The following ARMH3 variants were observed in gnomAD, a reference collection of about 807,000 sequenced individuals.
The protein encoded by ARMH3 is armadillo-like helical domain-containing protein 3.
A neutral mutation model predicts 99.1 loss-of-function variants in ARMH3; 60 were observed. That is an observed-to-expected ratio of 0.61 (90% confidence interval 0.49 to 0.75). ARMH3 has a LOEUF of 0.75. Ranked by LOEUF, ARMH3 falls within the 30% of genes least tolerant of loss-of-function variation. The probability of loss-of-function intolerance (pLI) is 0.00; values close to 1 mark genes in which losing one functional copy is unlikely to be tolerated. For synonymous variants in ARMH3, 285 were observed against 292.8 expected (o/e 0.97, Z 0.27); for missense variants, 679 against 843.1 (o/e 0.81, Z 2.41).
At chr10:101,936,156 G>C (rs1463519820) in intron 23 of ARMH3, among the ~76,000 whole-genome samples, 1 of 152,148 alleles carries the variant, frequency 6.6e-6, no homozygotes, top group Non-Finnish European at 1.5e-5. Flanking sequence ...ACCAAGGAAA[G>C]CAAAACACCT....
At chr10:101,924,220 T>C (rs1843413981) in intron 23 of ARMH3, among the ~76,000 whole-genome samples, 1 of 152,160 alleles carries the variant, frequency 6.6e-6, no homozygotes, top group Non-Finnish European at 1.5e-5. Flanking sequence ...AAATAAAGTG[T>C]TGCATATAGG....
intron 22 of ARMH3, among the ~76,000 whole-genome samples, chr10:101,944,092 A>G (rs998794128): frequency 3.3e-5 from 5 of 150,134 alleles, no homozygotes; most frequent in African/African-American, 1.2e-4. Context: ...TATTAGAAAT[A>G]CGTTCGATAT....
chr10:102,010,178 C>G (rs2066600386), intron 11 of ARMH3, among the ~76,000 whole-genome samples, 155 bp from the exon 12 acceptor site: 1 of 152,166 alleles, frequency 6.6e-6, no homozygotes, highest in African/African-American at 2.4e-5. Context: ...AAAACCAGCC[C>G]ACTTTGAAAA....
chr10:101,945,909 C>A (rs909503960), intron 22 of ARMH3, among the ~76,000 whole-genome samples: 1 of 150,720 alleles, frequency 6.6e-6, no homozygotes, highest in Non-Finnish European at 1.5e-5. Flanking sequence ...ATGACAAAAC[C>A]CCATCTCTAC....
intron 2 of ARMH3, among the ~76,000 whole-genome samples, chr10:102,038,520 T>G (rs917202451): frequency 6.6e-6 from 1 of 152,152 alleles, no homozygotes; most frequent in Non-Finnish European, 1.5e-5. Context: ...GGTATTTTAG[T>G]GGACTGAATT....
Position 101,847,543 on chromosome 10 carries a change from G to A in ARMH3, c.2055C>T (p.Phe685=). The change falls in exon 26 of 26, where the codon TTC becomes TTT. Residue 685 remains phenylalanine, a synonymous_variant. Transcript: ENST00000370033. ...AGGCGTGGCCTCAGGAGATAGTGGA[G>A]AACTCCTTGAGCAGGACTTCTTGGC... is the stretch of plus-strand genomic sequence containing the variant. ...TLSQEVLLKE[F]STIS is the part of the protein sequence containing the mutation. 6.2e-7 allele frequency: 1 copy of A among 1,614,176 alleles called. No homozygotes were observed. Among genetic ancestry groups the A allele is most frequent in the Non-Finnish European group, 8.5e-7 (1 of 1,180,000 alleles).
chr10:102,037,948 G>A (rs1005668787), intron 2 of ARMH3, among the ~76,000 whole-genome samples: 3 of 151,938 alleles, frequency 2.0e-5, no homozygotes, highest in East Asian at 1.9e-4. Flanking sequence ...AGAGGTCACA[G>A]TTTGACCCTC....
At position 101,847,588 on chromosome 10, in the gene ARMH3, G is replaced by GT; in HGVS notation, c.2009dup (p.Asn670LysfsTer64). The GT allele has an allele frequency of 6.2e-7, 1 of 1,614,194 alleles. No homozygotes were observed. Among genetic ancestry groups the GT allele is most frequent in the Non-Finnish European group, 8.5e-7 (1 of 1,180,028 alleles). On this transcript the variant is annotated frameshift_variant, in exon 26 of 26. Transcript: ENST00000370033. LOFTEE classifies it high-confidence loss of function. The stretch of plus-strand genomic sequence containing the variant: ...CTTGGCTGAGTGTGTGGAAGGCCAG[G>GT]TTTCTCCGGACGTTGGTGCTAATGG...
Position 101,991,976 on chromosome 10 carries a change from T to C in ARMH3, c.1338A>G (p.Ala446=). Residue 446 remains alanine (A), a synonymous_variant, in exon 18 of 26, where the codon GCA becomes GCG. Coordinates refer to ENST00000370033, the MANE Select transcript of ARMH3 (RefSeq NM_024541.3). ...TTGATGATACTCACTCACCCAGTAC[T>C]GCACATACTAAAGGACGGCAGGGAA... ...KNLPCRPLVC[A]VLDLMVEFIV... is the part of the protein sequence containing the mutation. 1 of 1,613,760 alleles carries C rather than the reference T, an allele frequency of 6.2e-7. No individual in the cohort carries two copies. The highest frequency in any genetic ancestry group is 8.5e-7 in the Non-Finnish European group (1 of 1,179,622).
At chr10:101,976,405 C>T in intron 19 of ARMH3, among the ~76,000 whole-genome samples, 1 of 128,976 alleles carries the variant, frequency 7.8e-6, no homozygotes, top group African/African-American at 2.7e-5. Context: ...CTCTCTCTCT[C>T]TCTCTCTCAC....
chr10:101,919,794 T>C (rs1371209517), intron 23 of ARMH3, among the ~76,000 whole-genome samples: 1 of 152,232 alleles, frequency 6.6e-6, no homozygotes, highest in African/African-American at 2.4e-5. Flanking sequence ...ATTTTAACCC[T>C]TACCTTTTTC....
intron 5 of ARMH3, among the ~76,000 whole-genome samples, chr10:102,027,792 T>C (rs1383785005): frequency 6.6e-6 from 1 of 151,854 alleles, no homozygotes; most frequent in South Asian, 2.1e-4. Flanking sequence ...TATTTGTATA[T>C]TTATAATTAT....
intron 20 of ARMH3, among the ~76,000 whole-genome samples, chr10:101,972,971 A>T (rs892939070): frequency 5.3e-5 from 8 of 152,242 alleles, no homozygotes; most frequent in Admixed American, 3.3e-4. Context: ...CCAACACAGA[A>T]TAAAGAATGG....
At position 102,009,440 on chromosome 10, in the gene ARMH3, C is replaced by T. The variant is rs2066580152; in HGVS notation, c.888G>A (p.Glu296=). 1 of 1,613,612 alleles carries T rather than the reference C, an allele frequency of 6.2e-7. No homozygotes were observed. The highest frequency in any genetic ancestry group is 1.1e-5 in the South Asian group (1 of 91,054). Residue 296 remains glutamate (E), a synonymous_variant, in exon 13 of 26, where the codon GAG becomes GAA. Coordinates refer to ENST00000370033, the MANE Select transcript of ARMH3 (RefSeq NM_024541.3). ...CTTCATAAAGTGCCAGAAGAATGGC[C>T]TCATTGGTTCTAAAGAAAAAGAGAA... The part of the protein sequence containing the change: ...AHEKISVQTN[E]AILLALYEAV...
chr10:102,000,849 C>T (rs144347249), intron 15 of ARMH3, among the ~76,000 whole-genome samples: 55 of 151,864 alleles, frequency 3.6e-4, no homozygotes, highest in Non-Finnish European at 6.6e-4. Flanking sequence ...TGGAGTCTCA[C>T]TCTGTCATGC....
chr10:101,989,515 G>A (rs531905708), intron 19 of ARMH3, among the ~76,000 whole-genome samples: 8 of 152,166 alleles, frequency 5.3e-5, no homozygotes, highest in African/African-American at 1.7e-4. Context: ...GAAGTCAGGA[G>A]TTAGAGACCA....
intron 5 of ARMH3, among the ~76,000 whole-genome samples, chr10:102,026,525 T>A (rs1444770360): frequency 6.6e-6 from 1 of 152,040 alleles, no homozygotes; most frequent in Non-Finnish European, 1.5e-5. Context: ...TCAATAGGAA[T>A]TGGGGAGGAA....
chr10:101,976,296 G>A (rs763413918), intron 19 of ARMH3, among the ~76,000 whole-genome samples: 2 of 150,532 alleles, frequency 1.3e-5, no homozygotes, highest in Non-Finnish European at 3.0e-5. Context: ...ACCAAGATCG[G>A]GCCACTGTAC....
intron 23 of ARMH3, among the ~76,000 whole-genome samples, chr10:101,899,209 TCCC>T (rs1324394760): frequency 6.6e-6 from 1 of 152,122 alleles, no homozygotes; most frequent in African/African-American, 2.4e-5. Flanking sequence ...GAATTTTTTT[TCCC>T]CCAAGGCAGC....
Sources: gnomAD v4.1 joint callset for allele counts (sites outside exome capture counted in the v4.1 genomes callset) on GRCh38, gnomAD v4.1.1 for gene constraint, MANE v1.5 for transcripts, NCBI Gene and HGNC (gene_info 2026-07-23, HGNC 2026-07-21) for gene names.